IL1RAPL2: variants seen among roughly 807,000 people sequenced by gnomAD.
The protein encoded by IL1RAPL2 is interleukin 1 receptor accessory protein like 2.
In IL1RAPL2, 3 loss-of-function variants were observed where a neutral mutation model predicts 44.1. The ratio of observed to expected loss-of-function variants is 0.07; its 90% CI spans 0.03 to 0.18. The LOEUF (loss-of-function observed/expected upper bound fraction) is 0.18, where lower values mean the gene tolerates loss of function less well. Among genes scored for constraint, IL1RAPL2 ranks in the 10% least tolerant of loss-of-function variants. The probability of loss-of-function intolerance (pLI) is 1.00; values close to 1 mark genes in which losing one functional copy is unlikely to be tolerated. For synonymous variants in IL1RAPL2, 181 were observed against 178.8 expected (o/e 1.01, Z -0.10); for missense variants, 391 against 496.4 (o/e 0.79, Z 2.02).
At chrX:105,203,666 A>T in intron 3 of IL1RAPL2, among the ~76,000 whole-genome samples, 1 of 111,750 alleles carries the variant, frequency 8.9e-6, no homozygotes, top group Non-Finnish European at 1.9e-5. Flanking sequence ...ACTAAATCCA[A>T]TGGGCATGCC....
intron 5 of IL1RAPL2, among the ~76,000 whole-genome samples, chrX:105,441,464 AAATT>A (rs1195537903): frequency 1.8e-5 from 2 of 111,474 alleles, no homozygotes; most frequent in Non-Finnish European, 3.8e-5. Context: ...AGAACTAGGG[AAATT>A]AATTGATGTG....
At chrX:105,533,562 C>A (rs2036655649) in intron 6 of IL1RAPL2, among the ~76,000 whole-genome samples, 1 of 112,095 alleles carries the variant, frequency 8.9e-6, no homozygotes, top group African/African-American at 3.2e-5. Context: ...ACTATAGCAT[C>A]AACACGAGGC....
intron 1 of IL1RAPL2, chrX:104,647,218 G>A (rs1470639436): frequency 2.9e-6 from 1 of 347,136 alleles, no homozygotes. Context: ...ACAGCTGGAG[G>A]AGGCAGGTAG....
intron 1 of IL1RAPL2, among the ~76,000 whole-genome samples, chrX:104,594,433 TTGTC>T (rs1259873723): frequency 9.0e-6 from 1 of 111,582 alleles, no homozygotes; most frequent in Admixed American, 9.6e-5. Flanking sequence ...TCAAACACCA[TTGTC>T]TGTCAATCAG....
chrX:105,650,409 T>C (rs2037635084), intron 6 of IL1RAPL2, among the ~76,000 whole-genome samples: 1 of 111,782 alleles, frequency 8.9e-6, no homozygotes, highest in African/African-American at 3.3e-5. Context: ...CAAAGTTCTT[T>C]ATGTGTTTTT....
In IL1RAPL2 at chrX:104,787,322, G is replaced by A. The variant is rs145344224; in HGVS notation, c.82+128327G>A. Among the ~76,000 whole-genome samples the A allele has an allele frequency of 5.0e-3, 557 of 111,643 alleles. 3 individuals are homozygous for A. The highest frequency in any genetic ancestry group is 0.017 in the African/African-American group (528 of 30,731). ...AGGGAAGACTTCTTTGAGAGGTGAC[G>A]CTTCCCATGCAGTACTGTGATTATG... On this transcript the variant is annotated intron_variant, in intron 2 of 10. Transcript: ENST00000372582.
chrX:104,745,903 G>A (rs757180960), intron 2 of IL1RAPL2, among the ~76,000 whole-genome samples: 16 of 111,458 alleles, frequency 1.4e-4, no homozygotes, highest in Non-Finnish European at 2.6e-4. Flanking sequence ...ATTCTAGGAA[G>A]TAAATGGATA....
At chrX:104,760,972 G>T (rs1932417430) in intron 2 of IL1RAPL2, among the ~76,000 whole-genome samples, 1 of 110,963 alleles carries the variant, frequency 9.0e-6, no homozygotes, top group African/African-American at 3.3e-5. Context: ...TGAGAGATGG[G>T]GTCTACTTTC....
chrX:104,825,124 A>C (rs1921417885), intron 2 of IL1RAPL2, among the ~76,000 whole-genome samples: 1 of 111,464 alleles, frequency 9.0e-6, no homozygotes. Context: ...TAGTCTAATT[A>C]AAGTTTGAGG....
intron 6 of IL1RAPL2, among the ~76,000 whole-genome samples, chrX:105,512,987 C>G (rs1307623637): frequency 9.1e-6 from 1 of 110,424 alleles, no homozygotes; most frequent in African/African-American, 3.3e-5. Context: ...TCTCATTGTT[C>G]AACTCCCACT....
chrX:105,354,514 A>G (rs1261891245), intron 5 of IL1RAPL2, among the ~76,000 whole-genome samples: 12 of 62,606 alleles, frequency 1.9e-4, no homozygotes, highest in Admixed American at 4.0e-4. Flanking sequence ...GGGTGGGGGG[A>G]GGGGGAAGGA....
At chrX:104,968,337 C>T (rs752783093) in intron 2 of IL1RAPL2, among the ~76,000 whole-genome samples, 28 of 111,611 alleles carry the variant, frequency 2.5e-4, no homozygotes, top group Non-Finnish European at 4.5e-4. Flanking sequence ...AGTGCCTGTT[C>T]ATGAAACAAA....
intron 2 of IL1RAPL2, among the ~76,000 whole-genome samples, chrX:105,124,822 A>C (rs1161888837): frequency 9.0e-6 from 1 of 110,756 alleles, no homozygotes; most frequent in Non-Finnish European, 1.9e-5. Flanking sequence ...TGCTTTGAAA[A>C]ACGTGATTGT....
At chrX:105,094,921 AT>A (rs1222531453) in intron 2 of IL1RAPL2, among the ~76,000 whole-genome samples, 1 of 110,949 alleles carries the variant, frequency 9.0e-6, no homozygotes, top group Non-Finnish European at 1.9e-5. Flanking sequence ...ATTCCTAAGT[AT>A]TTTTTTCATG....
At chrX:104,911,218 TCTAA>T (rs987779177) in intron 2 of IL1RAPL2, among the ~76,000 whole-genome samples, 36 of 111,943 alleles carry the variant, frequency 3.2e-4, no homozygotes, top group Admixed American at 6.7e-4. Context: ...GAAAATTTTC[TCTAA>T]CTGTCAAGAA....
intron 1 of IL1RAPL2, among the ~76,000 whole-genome samples, chrX:104,624,099 C>T (rs1183435370): frequency 1.8e-5 from 2 of 111,386 alleles, no homozygotes; most frequent in Non-Finnish European, 3.8e-5. Context: ...TGTAAATAGT[C>T]GGTGATATTG....
intron 2 of IL1RAPL2, among the ~76,000 whole-genome samples, chrX:104,718,851 T>A (rs1351412224): frequency 8.9e-6 from 1 of 111,883 alleles, no homozygotes; most frequent in Non-Finnish European, 1.9e-5. Flanking sequence ...ATAGTACATA[T>A]CTTCAGTTTT....
chrX:105,074,834 T>G (rs1346033839), intron 2 of IL1RAPL2, among the ~76,000 whole-genome samples: 1 of 109,644 alleles, frequency 9.1e-6, no homozygotes, highest in East Asian at 2.9e-4. Context: ...ATGATTTGGC[T>G]CTCTGTTTGT....
intron 1 of IL1RAPL2, among the ~76,000 whole-genome samples, chrX:104,620,639 C>CAAAA (rs771769782): frequency 0.065 from 953 of 14,574 alleles, 243 homozygotes; most frequent in East Asian, 0.083. Context: ...GAGTCTGTCT[C>CAAAA]AAAAAAAAAA....
Sources: gnomAD v4.1 joint callset for allele counts (sites outside exome capture counted in the v4.1 genomes callset) on GRCh38, gnomAD v4.1.1 for gene constraint, MANE v1.5 for transcripts, NCBI Gene and HGNC (gene_info 2026-07-23, HGNC 2026-07-21) for gene names.